Variants in ZBBX observed in about 807,000 individuals in gnomAD.
The protein encoded by ZBBX is zinc finger B-box domain containing.
Under a neutral mutation model 108.5 loss-of-function variants are expected in ZBBX, and 101 were observed. That is an observed-to-expected ratio of 0.93 (90% CI 0.79 to 1.10). ZBBX has a LOEUF of 1.10. Among genes scored for constraint, ZBBX ranks in the 50% least tolerant of loss-of-function variants. The pLI, the probability that ZBBX is intolerant of heterozygous loss-of-function variation, is 0.00. For synonymous variants in ZBBX, 356 were observed against 323.4 expected, an observed-to-expected ratio of 1.10 and a Z score of -1.08; for missense variants, 1,009 against 941.4, an observed-to-expected ratio of 1.07 and a Z score of -0.94.
intron 1 of ZBBX, among the ~76,000 whole-genome samples, chr3:167,400,456 G>T (rs1748391394): frequency 6.6e-6 from 1 of 152,076 alleles, no homozygotes; most frequent in East Asian, 1.9e-4. Flanking sequence ...CTGATGACTG[G>T]TGATGATAAG....
rs183340877 is a variant in ZBBX at position 167,316,918 on chromosome 3, T to A, written c.1194+87A>T. 53 of 707,848 alleles carry A rather than the reference T, an allele frequency of 7.5e-5. No homozygotes were observed. The African/African-American group carries it at 9.8e-4, about 13-fold the overall frequency. 43.8% of individuals were successfully genotyped at this position (707,848 alleles called of 1,614,324 possible). ...AACTATGTTAGTTATTTGAGAAATC[T>A]TATTGAAAATAATATGCAGATGTAA... On this transcript the variant is annotated intron_variant, in intron 14 of 21. Coordinates refer to ENST00000675490, the MANE Select transcript of ZBBX (RefSeq NM_001199201.2).
intron 17 of ZBBX, among the ~76,000 whole-genome samples, chr3:167,298,664 T>G (rs1387387393): frequency 6.6e-6 from 1 of 152,080 alleles, no homozygotes; most frequent in Non-Finnish European, 1.5e-5. Context: ...TCTCTGAAAG[T>G]TGATACTAAT....
At chr3:167,231,011 A>G in the ZBBX span, among the ~76,000 whole-genome samples, 1 of 151,788 alleles carries the variant, frequency 6.6e-6, no homozygotes, top group African/African-American at 2.4e-5. Flanking sequence ...CTGTGAAGAA[A>G]AAGAGGATTC....
chr3:167,383,543 T>A (rs1747812777), upstream of ZBBX, among the ~76,000 whole-genome samples: 1 of 152,132 alleles, frequency 6.6e-6, no homozygotes, highest in African/African-American at 2.4e-5. Flanking sequence ...ATTGGCCTTT[T>A]ATAATTTTTC....
chr3:167,263,766 C>A (rs1039418975), intron 20 of ZBBX, among the ~76,000 whole-genome samples: 2 of 152,148 alleles, frequency 1.3e-5, no homozygotes, highest in African/African-American at 4.8e-5. Context: ...TCTAGTGTTT[C>A]TTCATTGATT....
chr3:167,339,810 C>T (rs1044647537), intron 9 of ZBBX, among the ~76,000 whole-genome samples: 4 of 152,026 alleles, frequency 2.6e-5, no homozygotes, highest in Non-Finnish European at 5.9e-5. Context: ...CTAATGTTCT[C>T]CCTCTCCTTG....
chr3:167,262,435 T>G (rs906870456), intron 20 of ZBBX, among the ~76,000 whole-genome samples: 7 of 152,208 alleles, frequency 4.6e-5, no homozygotes, highest in Non-Finnish European at 1.0e-4. Context: ...TTCAATAGGA[T>G]TGGTATAAGT....
At chr3:167,234,036 C>T in the ZBBX span, among the ~76,000 whole-genome samples, 1 of 151,740 alleles carries the variant, frequency 6.6e-6, no homozygotes, top group Admixed American at 6.6e-5. Context: ...TCTTCATACT[C>T]CTTTCCCTAA....
chr3:167,326,932 G>T (rs1019166646), intron 11 of ZBBX, among the ~76,000 whole-genome samples: 1 of 151,732 alleles, frequency 6.6e-6, no homozygotes, highest in Non-Finnish European at 1.5e-5. Context: ...AGTAAAATTG[G>T]CAAGTAAGAT....
chr3:167,350,460 TG>T lies in ZBBX; in HGVS notation c.487del (p.Gln163ArgfsTer5). The T allele has an allele frequency of 6.3e-7, 1 of 1,598,352 alleles. No homozygotes were observed. Among genetic ancestry groups the T allele is most frequent in the South Asian group, 1.1e-5 (1 of 88,362 alleles). On this transcript the variant is annotated frameshift_variant, in exon 9 of 22. Coordinates refer to ENST00000675490, the MANE Select transcript of ZBBX (RefSeq NM_001199201.2). LOFTEE classifies it high-confidence loss of function. ...TCTGTGGAGCTTTAGTGCCCCTTTCTGGTGAACTTTAGCAAAGCATCCTGAA... is the reference window on the plus strand; with the variant it reads ...TCTGTGGAGCTTTAGTGCCCCTTTCTGTGAACTTTAGCAAAGCATCCTGAA... ...YCSGCFAKVHQKGALKLHRTT... is the reference protein window; with the variant it reads ...YCSGCFAKVHXKGALKLHRTT...
chr3:167,272,449 G>T (rs1323704365), intron 20 of ZBBX, among the ~76,000 whole-genome samples: 1 of 152,104 alleles, frequency 6.6e-6, no homozygotes, highest in Non-Finnish European at 1.5e-5. Context: ...ACCCTATCTA[G>T]TGCTCCTGAC....
chr3:167,289,934 G>A (rs567036468), intron 18 of ZBBX, among the ~76,000 whole-genome samples: 108 of 152,232 alleles, frequency 7.1e-4, no homozygotes, highest in Non-Finnish European at 1.1e-3. Context: ...GCTTGAGAGG[G>A]TGGTTTTATC....
the ZBBX span, among the ~76,000 whole-genome samples, chr3:167,214,372 A>G: frequency 6.6e-6 from 1 of 152,174 alleles, no homozygotes; most frequent in South Asian, 2.1e-4. Flanking sequence ...CAGACTTCAA[A>G]CCAGCAAAGA....
chr3:167,226,994 G>A, the ZBBX span, among the ~76,000 whole-genome samples: 1 of 151,782 alleles, frequency 6.6e-6, no homozygotes. Flanking sequence ...TATGATATGA[G>A]TTGTATCTAT....
intron 20 of ZBBX, among the ~76,000 whole-genome samples, chr3:167,259,566 G>T (rs1724103844): frequency 6.6e-6 from 1 of 152,070 alleles, no homozygotes; most frequent in African/African-American, 2.4e-5. Flanking sequence ...TGTGACCTTA[G>T]AATGTCAGTT....
chr3:167,308,515 T>C (rs1734053286), intron 16 of ZBBX, among the ~76,000 whole-genome samples: 1 of 152,198 alleles, frequency 6.6e-6, no homozygotes, highest in African/African-American at 2.4e-5. Flanking sequence ...ATATGTATGC[T>C]CAATGCAGCA....
chr3:167,241,036 A>G (rs9683261), intron 21 of ZBBX, 117 bp from the exon 22 acceptor site: 848,905 of 1,122,280 alleles, frequency 0.76, 322,624 homozygotes, highest in Middle Eastern at 0.84. Context: ...GATGTGAGGG[A>G]GCTGTATCAG....
At chr3:167,405,459 A>T (rs763116984) in intron 1 of ZBBX, among the ~76,000 whole-genome samples, 1 of 152,218 alleles carries the variant, frequency 6.6e-6, no homozygotes, top group African/African-American at 2.4e-5. Flanking sequence ...TCGAAGCGAG[A>T]TAAGTGGTAC....
chr3:167,303,366 A>T (rs1053282300), intron 17 of ZBBX, among the ~76,000 whole-genome samples: 1 of 152,174 alleles, frequency 6.6e-6, no homozygotes, highest in Non-Finnish European at 1.5e-5. Context: ...CATATCTAAC[A>T]GTCTTACAAG....
Sources: allele counts gnomAD v4.1 joint callset (sites outside exome capture counted in the v4.1 genomes callset), GRCh38; gene constraint gnomAD v4.1.1; transcripts MANE v1.5; gene names NCBI Gene and HGNC (gene_info 2026-07-23, HGNC 2026-07-21).